NOBOX: variants seen among roughly 807,000 people sequenced by gnomAD.
The protein encoded by NOBOX is homeobox protein NOBOX.
A neutral mutation model predicts 60.2 loss-of-function variants in NOBOX; 46 were observed. That is an observed-to-expected ratio of 0.76 (90% CI 0.60 to 0.98). The LOEUF (loss-of-function observed/expected upper bound fraction) is 0.98, where lower values mean the gene tolerates loss of function less well. NOBOX is among the 50% of genes least tolerant of loss of function. NOBOX has a pLI of 0.00. For missense variants in NOBOX, 880 were observed against 865.5 expected, an observed-to-expected ratio of 1.02 and a Z score of -0.21; for synonymous variants, 360 against 346.3, an observed-to-expected ratio of 1.04 and a Z score of -0.44.
chr7:144,397,641 T>A (rs937260085), intron 9 of NOBOX, 100 bp from the exon 8 acceptor site: 8 of 1,043,588 alleles, frequency 7.7e-6, no homozygotes, highest in Middle Eastern at 6.1e-4. Flanking sequence ...CCAACACACA[T>A]AGACGCAGCT....
chr7:144,404,030 G>A (rs1645387209), intron 2 of NOBOX, among the ~76,000 whole-genome samples: 1 of 152,092 alleles, frequency 6.6e-6, no homozygotes, highest in African/African-American at 2.4e-5. Context: ...CGGGAGCGAG[G>A]CTACCCGGTG....
intron 6 of NOBOX, 105 bp downstream of exon 4, chr7:144,399,652 G>T: frequency 8.5e-7 from 1 of 1,179,456 alleles, no homozygotes; most frequent in Non-Finnish European, 1.2e-6. Context: ...GCAACCCTAG[G>T]ACTCATGCCT....
At chr7:144,399,205 A>AT in intron 7 of NOBOX, 27 bp from the exon 6 acceptor site, 10 of 1,191,012 alleles carry the variant, frequency 8.4e-6, no homozygotes, top group Non-Finnish European at 1.2e-5. Context: ...AAGAGGTGCT[A>AT]TAACGGTAAG....
intron 1 of NOBOX, among the ~76,000 whole-genome samples, chr7:144,406,300 G>A (rs999111501): frequency 1.3e-5 from 2 of 152,204 alleles, no homozygotes; most frequent in Non-Finnish European, 2.9e-5. Flanking sequence ...GCTCATGCCT[G>A]TAATCCCAGC....
rs2053974254 is a variant in NOBOX, at chr7:144,404,745, A to G, written c.86-65T>C. ...GGTGTTTCGATTTTATTCTCTGAGAATGGAAGGGACTTTCTTGGGGGAGAT... is the reference window on the plus strand; with the variant it reads ...GGTGTTTCGATTTTATTCTCTGAGAGTGGAAGGGACTTTCTTGGGGGAGAT... On this transcript the variant is annotated intron_variant, in intron 1 of 9. Coordinates refer to ENST00000467773, the MANE Select transcript of NOBOX (RefSeq NM_001080413.3). The G allele has an allele frequency of 5.6e-6, 9 of 1,593,764 alleles. No individual in the cohort carries two copies. The South Asian group carries it at 1.0e-4, about 18-fold the overall frequency.
chr7:144,402,180 G>A (rs1338060795), intron 2 of NOBOX, among the ~76,000 whole-genome samples: 9 of 66,592 alleles, frequency 1.4e-4, no homozygotes, highest in Non-Finnish European at 1.8e-4. Context: ...CCCCCCGCCC[G>A]CACCCCCCAC....
rs200651935 is a variant in NOBOX, at chr7:144,401,612, C to T, written c.293-15G>A. 5,095 of 1,500,984 alleles carry T rather than the reference C, an allele frequency of 3.4e-3. 22 individuals carry two copies. The highest frequency in any genetic ancestry group is 3.8e-3 in the Middle Eastern group (20 of 5,318). The allele number at this position is 1,500,984 out of a possible 1,614,324, so 93.0% of individuals were successfully genotyped here. ...AGCTTTCTGGCCTGTGGGGAGCCAA[C>T]ATCCACTGACCTTAGCACCAGGGAG... On this transcript the variant is annotated splice_polypyrimidine_tract_variant and intron_variant, in intron 3 of 9. Transcript: ENST00000467773. The surrounding 1 kb of genome is among the most constrained non-coding windows in gnomAD (Gnocchi z 4.2).
intron 8 of NOBOX, among the ~76,000 whole-genome samples, 152 bp from the exon 7 acceptor site, chr7:144,398,738 C>T (rs1226938466): frequency 2.0e-5 from 3 of 152,040 alleles, no homozygotes; most frequent in Non-Finnish European, 4.4e-5. Context: ...TCTCCCCACT[C>T]CCGCTCCTAG....
intron 5 of NOBOX, 119 bp from the exon 4 acceptor site, chr7:144,399,982 G>A: frequency 7.8e-7 from 1 of 1,281,844 alleles, no homozygotes. Context: ...CTCTGCTTCT[G>A]AGCCCTCCGT....
At chr7:144,399,228 A>C (rs2053918681) in intron 7 of NOBOX, 50 bp from the exon 6 acceptor site, 2 of 1,030,222 alleles carry the variant, frequency 1.9e-6, no homozygotes, top group East Asian at 4.9e-5. Context: ...AATGGGAGGC[A>C]GGTTTGGCAT....
At position 144,402,384 on chromosome 7, in the gene NOBOX, C is replaced by T. The variant is rs538196763; in HGVS notation, c.211-434G>A. Among the ~76,000 whole-genome samples the T allele has an allele frequency of 2.0e-4, 31 of 152,258 alleles. 2 individuals carry two copies. The highest frequency in any genetic ancestry group is 6.5e-4 in the African/African-American group (27 of 41,548). On this transcript the variant is annotated intron_variant, in intron 2 of 9. Transcript: ENST00000467773. ...GGAGCTTATCATGTTCCAGGCATGG[C>T]GCTAAGCACCTTTCAAAGATTAGCA...
At chr7:144,403,510 TCCCACCCTACCCCACCCGAC>T in intron 2 of NOBOX, 127 bp downstream of exon 1, 2 of 349,460 alleles carry the variant, frequency 5.7e-6, no homozygotes. Context: ...GTCGGCCTCC[TCCCACCCTACCCCACCCGAC>T]TCCACCCGGC....
At position 144,398,407 on chromosome 7, in the gene NOBOX, G is replaced by A. The variant is rs370203452; in HGVS notation, c.1649C>T (p.Thr550Met). 4.5e-5 allele frequency: 69 copies of A among 1,537,226 alleles called. No homozygotes were observed. Among genetic ancestry groups the A allele is most frequent in the African/African-American group, 2.5e-4 (18 of 73,134 alleles). Residue 550 changes from threonine to methionine, a missense_variant, in exon 9 of 10, where the codon ACG becomes ATG. Coordinates refer to ENST00000467773, the MANE Select transcript of NOBOX (RefSeq NM_001080413.3). The stretch of plus-strand genomic sequence containing the variant: ...GAGAGAGTCTTCGGGCGGTGGAAGC[G>A]TCAGTGAACTGGGCATGGAGAAGGG...
At chr7:144,406,648 T>C (rs956840126) in intron 1 of NOBOX, among the ~76,000 whole-genome samples, 6 of 152,252 alleles carry the variant, frequency 3.9e-5, no homozygotes, top group Admixed American at 2.6e-4. Context: ...TTTTGTTTAT[T>C]TACATGAAGA....
rs981492349 is a variant in NOBOX at position 144,409,253 on chromosome 7, G to A, written c.85+890C>T. Reference sequence around the variant, plus strand: ...TATCTACACCTTTAACAGGGGTGTGGGTGAGCAAGCAGGAGAATTTATATC... The same window carrying A: ...TATCTACACCTTTAACAGGGGTGTGAGTGAGCAAGCAGGAGAATTTATATC... On this transcript the variant is annotated intron_variant, in intron 1 of 9. Transcript: ENST00000467773. Among the ~76,000 whole-genome samples the A allele has an allele frequency of 4.6e-5, 7 of 152,098 alleles. No individual in the cohort carries two copies. The East Asian group carries it at 1.3e-3, about 29-fold the overall frequency.
chr7:144,397,132 C>T (rs2053897991), downstream of NOBOX: 1 of 938,698 alleles, frequency 1.1e-6, no homozygotes, highest in Non-Finnish European at 1.5e-6. Flanking sequence ...TAACTCTCCC[C>T]TCAGTCTACA....
rs2128861658 is a variant in NOBOX at position 144,401,099 on chromosome 7, G to A, written c.791C>T (p.Pro264Leu). The change falls in exon 4 of 10, where the codon CCC (proline) becomes CTC (leucine). Residue 264 changes from proline (P) to leucine (L), a missense_variant. Coordinates refer to ENST00000467773, the MANE Select transcript of NOBOX (RefSeq NM_001080413.3). This position sits in a 1 kb window ranked among gnomAD's most constrained non-coding sequence, Gnocchi z 4.2. Reference sequence around the variant, plus strand: ...CCTAATTTGGCAGGTCACTTCCGGGGGCCCCTGCTTGTGGTCTCTGTTTTG... The same window carrying A: ...CCTAATTTGGCAGGTCACTTCCGGGAGCCCCTGCTTGTGGTCTCTGTTTTG... 1 of 1,546,110 alleles carries A rather than the reference G, an allele frequency of 6.5e-7. No homozygotes were observed.
At chr7:144,403,930 C>T (rs1054962722) in intron 2 of NOBOX, among the ~76,000 whole-genome samples, 15 of 152,020 alleles carry the variant, frequency 9.9e-5, no homozygotes, top group Non-Finnish European at 2.2e-4. Flanking sequence ...CTGCTCCGCT[C>T]CCCCCAGCCA....
Position 144,397,249 on chromosome 7 carries a change from A to G in NOBOX, c.2067T>C (p.His689=), listed in dbSNP as rs1421763749. 30 of 1,528,430 alleles carry G rather than the reference A, an allele frequency of 2.0e-5. No individual in the cohort carries two copies. The highest frequency in any genetic ancestry group is 2.5e-5 in the Non-Finnish European group (29 of 1,140,150). 94.7% of individuals were successfully genotyped at this position (1,528,430 alleles called of 1,614,324 possible). Residue 689 remains histidine, a synonymous_variant, in exon 10 of 10, where the codon CAT becomes CAC. Transcript: ENST00000467773. ...CTCTTTGACCCCCCAACTAGGGGACATGGCTATTCTTGTCATCCCCTCTGG... is the reference window on the plus strand; with the variant it reads ...CTCTTTGACCCCCCAACTAGGGGACGTGGCTATTCTTGTCATCCCCTCTGG...
Sources: allele counts gnomAD v4.1 joint callset (sites outside exome capture counted in the v4.1 genomes callset), GRCh38; gene constraint gnomAD v4.1.1; non-coding constraint Gnocchi (gnomAD v3.1); transcripts MANE v1.5; gene names NCBI Gene and HGNC (gene_info 2026-07-23, HGNC 2026-07-21).